DPP10: variants seen among roughly 807,000 people sequenced by gnomAD.
DPP10 encodes the protein dipeptidyl peptidase like 10.
Under a neutral mutation model 120.9 loss-of-function variants are expected in DPP10, and 33 were observed. The observed-to-expected ratio is 0.27, with a 90% confidence interval of 0.21 to 0.37. The LOEUF (loss-of-function observed/expected upper bound fraction) is 0.37. Ranked by LOEUF, DPP10 falls within the 10% of genes least tolerant of loss-of-function variation. DPP10 has a pLI of 1.00. For synonymous variants in DPP10, 337 were observed against 326.1 expected (o/e 1.03, Z -0.36); for missense variants, 816 against 942.8 (o/e 0.87, Z 1.76).
chr2:115,248,619 T>C (rs1268216536), intron 1 of DPP10, among the ~76,000 whole-genome samples: 5 of 152,132 alleles, frequency 3.3e-5, no homozygotes, highest in African/African-American at 1.2e-4. Context: ...ATTGCTGTTC[T>C]CTTGCTTTTC....
At chr2:115,310,487 T>G (rs1042292381) in intron 2 of DPP10, among the ~76,000 whole-genome samples, 6 of 151,938 alleles carry the variant, frequency 3.9e-5, no homozygotes, top group Non-Finnish European at 7.4e-5. Context: ...AAAAATGCAG[T>G]TTTTAGATGT....
At chr2:115,461,557 ACT>A (rs1189969093) in intron 3 of DPP10, among the ~76,000 whole-genome samples, 2 of 152,098 alleles carry the variant, frequency 1.3e-5, no homozygotes, top group African/African-American at 2.4e-5. Flanking sequence ...AAAACTGGTA[ACT>A]CTGTGAAGTA....
At chr2:115,692,709 C>T (rs190594622) in intron 7 of DPP10, among the ~76,000 whole-genome samples, 1 of 152,068 alleles carries the variant, frequency 6.6e-6, no homozygotes, top group Non-Finnish European at 1.5e-5. Context: ...TTCCTGCAAG[C>T]CTCAATTTTC....
chr2:115,056,896 TA>T (rs1215987195), intron 1 of DPP10, among the ~76,000 whole-genome samples: 1 of 152,234 alleles, frequency 6.6e-6, no homozygotes. Flanking sequence ...AACAGCTTAT[TA>T]AAAATAGATT....
At chr2:115,145,445 C>T (rs1446378210) in intron 1 of DPP10, among the ~76,000 whole-genome samples, 1 of 152,118 alleles carries the variant, frequency 6.6e-6, no homozygotes, top group African/African-American at 2.4e-5. Flanking sequence ...GTAATATGCA[C>T]TTAGGATTTA....
intron 1 of DPP10, among the ~76,000 whole-genome samples, chr2:114,589,040 G>C (rs960609382): frequency 1.4e-4 from 16 of 118,370 alleles, no homozygotes; most frequent in African/African-American, 5.4e-4. Flanking sequence ...GTTTTTTTGG[G>C]GGGGGGGGTA....
chr2:115,530,795 A>G (rs2148916706), intron 5 of DPP10, among the ~76,000 whole-genome samples: 1 of 152,254 alleles, frequency 6.6e-6, no homozygotes, highest in Non-Finnish European at 1.5e-5. Context: ...GTTTATGCTG[A>G]GGCCCTCTCC....
At chr2:114,449,558 C>T (rs975287992) in intron 1 of DPP10, among the ~76,000 whole-genome samples, 11 of 151,282 alleles carry the variant, frequency 7.3e-5, no homozygotes, top group Non-Finnish European at 1.2e-4. Context: ...TAAGGCAGAT[C>T]GGATGGCTTT....
chr2:114,949,741 T>C (rs1296853884), intron 1 of DPP10, among the ~76,000 whole-genome samples: 4 of 152,148 alleles, frequency 2.6e-5, no homozygotes, highest in African/African-American at 7.2e-5. Flanking sequence ...GTGCTGATGA[T>C]TGAAAGAGGC....
chr2:114,595,072 G>A (rs1036060426), intron 1 of DPP10, among the ~76,000 whole-genome samples: 1 of 151,980 alleles, frequency 6.6e-6, no homozygotes, highest in East Asian at 1.9e-4. Context: ...TCTGGTCATA[G>A]GGGAAAAGAA....
intron 1 of DPP10, among the ~76,000 whole-genome samples, chr2:114,483,258 T>C (rs546642128): frequency 6.6e-6 from 1 of 152,170 alleles, no homozygotes; most frequent in African/African-American, 2.4e-5. Context: ...ATACTGAACT[T>C]GGCAACGGGG....
At chr2:114,590,007 A>G (rs1691323905) in intron 1 of DPP10, among the ~76,000 whole-genome samples, 1 of 152,092 alleles carries the variant, frequency 6.6e-6, no homozygotes, top group Admixed American at 6.6e-5. Flanking sequence ...AACTTTCACT[A>G]TCTTGTGAAA....
chr2:114,882,307 C>G (rs1039012181), intron 1 of DPP10, among the ~76,000 whole-genome samples: 4 of 151,930 alleles, frequency 2.6e-5, no homozygotes, highest in Non-Finnish European at 5.9e-5. Context: ...ATATATACAC[C>G]ATAAAACACT....
chr2:114,497,425 A>ATATAGATGCATCTATATAGATGCATC lies in DPP10; in HGVS notation c.60+54591_60+54592insGATGCATCTATATAGATGCATCTATA, dbSNP rs1553451238. Among the ~76,000 whole-genome samples, 476 of 66,372 alleles carry ATATAGATGCATCTATATAGATGCATC rather than the reference A, an allele frequency of 7.2e-3. 5 individuals carry two copies. Among genetic ancestry groups the ATATAGATGCATCTATATAGATGCATC allele is most frequent in the African/African-American group, 0.025 (456 of 18,610 alleles). 43.5% of individuals were successfully genotyped at this position (66,372 alleles called of 152,430 possible). ...TACATATACACATACATATGCATCT[A>ATATAGATGCATCTATATAGATGCATC]TATATATATGCATATATATAGATGC... is the stretch of plus-strand genomic sequence containing the variant. On this transcript the variant is annotated intron_variant, in intron 1 of 25. Coordinates refer to ENST00000410059, the MANE Select transcript of DPP10 (RefSeq NM_020868.6).
At chr2:114,875,506 G>A (rs752989595) in intron 1 of DPP10, among the ~76,000 whole-genome samples, 5 of 152,080 alleles carry the variant, frequency 3.3e-5, no homozygotes, top group Non-Finnish European at 7.4e-5. Context: ...AAGCTCTGTT[G>A]AGAAACTAAT....
intron 5 of DPP10, among the ~76,000 whole-genome samples, chr2:115,587,053 A>G (rs2082329354): frequency 1.3e-5 from 2 of 150,496 alleles, no homozygotes; most frequent in African/African-American, 4.9e-5. Flanking sequence ...ACCTTTGACC[A>G]ACATTGTCCT....
intron 11 of DPP10, among the ~76,000 whole-genome samples, chr2:115,756,795 G>T (rs1257605398): frequency 1.3e-5 from 2 of 152,042 alleles, no homozygotes; most frequent in Admixed American, 1.3e-4. Flanking sequence ...CAGTTTTGGA[G>T]GCTGGGAAAT....
At chr2:115,466,561 A>G (rs1380994381) in intron 3 of DPP10, among the ~76,000 whole-genome samples, 1 of 152,196 alleles carries the variant, frequency 6.6e-6, no homozygotes, top group East Asian at 1.9e-4. Context: ...TAGTCCACAT[A>G]TAATGCTGAT....
Position 115,556,208 on chromosome 2 carries a change from G to A in DPP10, c.441+30236G>A, listed in dbSNP as rs568819739. ...AATAGCCAGATACTTTTTATACTCC[G>A]AATACAAATATTGAAAAAAATGAAA... is the stretch of plus-strand genomic sequence containing the variant. On this transcript the variant is annotated intron_variant, in intron 5 of 25. Transcript: ENST00000410059. 7.3e-5 allele frequency among the ~76,000 whole-genome samples: 11 copies of A among 151,710 alleles called. No individual in the cohort carries two copies. In the East Asian group the frequency reaches 9.7e-4, roughly 13 times the overall value.
Sources: allele counts gnomAD v4.1 joint callset (sites outside exome capture counted in the v4.1 genomes callset), GRCh38; gene constraint gnomAD v4.1.1; transcripts MANE v1.5; gene names NCBI Gene and HGNC (gene_info 2026-07-23, HGNC 2026-07-21).